The following SH3GL3 variants were observed in gnomAD, a reference collection of about 807,000 sequenced individuals.
The protein encoded by SH3GL3 is SH3 domain containing GRB2 like 3, endophilin A3, also known as endophilin-A3.
SH3GL3 carries 33 observed loss-of-function variants against 47.7 expected under a neutral mutation model. The ratio of observed to expected loss-of-function variants is 0.69; its 90% CI spans 0.52 to 0.92. SH3GL3 has a LOEUF of 0.92. Ranked by LOEUF, SH3GL3 falls within the 40% of genes least tolerant of loss-of-function variation. SH3GL3 has a pLI of 0.00. For missense variants in SH3GL3, 363 were observed against 417.8 expected (o/e 0.87, Z 1.14); for synonymous variants, 155 against 148.8 (o/e 1.04, Z -0.30).
intron 8 of SH3GL3, among the ~76,000 whole-genome samples, chr15:83,602,839 T>C (rs1239078743): frequency 2.6e-5 from 4 of 152,162 alleles, no homozygotes; most frequent in Non-Finnish European, 5.9e-5. Context: ...CTCCTAGATT[T>C]GCTCTCTGAG....
intron 1 of SH3GL3, among the ~76,000 whole-genome samples, chr15:83,458,980 T>G (rs1203745195): frequency 6.6e-6 from 1 of 152,226 alleles, no homozygotes; most frequent in Non-Finnish European, 1.5e-5. Context: ...GAAGCCAGAC[T>G]GAGTCCCCAA....
chr15:83,572,313 G>GT (rs1172298174), intron 4 of SH3GL3, among the ~76,000 whole-genome samples: 1 of 152,166 alleles, frequency 6.6e-6, no homozygotes, highest in Non-Finnish European at 1.5e-5. Flanking sequence ...GGTCCAAATG[G>GT]TAAGTACTTC....
intron 1 of SH3GL3, among the ~76,000 whole-genome samples, chr15:83,473,982 T>A (rs74024687): frequency 6.6e-6 from 1 of 151,582 alleles, no homozygotes; most frequent in Non-Finnish European, 1.5e-5. Flanking sequence ...GGTCCCAGGG[T>A]CCCAAGCTGG....
chr15:83,558,503 A>G (rs72760356), intron 1 of SH3GL3, among the ~76,000 whole-genome samples: 383 of 6,266 alleles, frequency 0.061, 3 homozygotes, highest in Non-Finnish European at 0.11. Flanking sequence ...GTGTGTGTGT[A>G]TATGTGTGTG....
intron 1 of SH3GL3, among the ~76,000 whole-genome samples, chr15:83,508,395 C>A (rs1447552992): frequency 6.6e-6 from 1 of 151,706 alleles, no homozygotes; most frequent in African/African-American, 2.4e-5. Context: ...TAGAAACACG[C>A]TGGAGGTGTT....
intron 1 of SH3GL3, among the ~76,000 whole-genome samples, chr15:83,502,686 G>A (rs1567278811): frequency 6.6e-6 from 1 of 152,148 alleles, no homozygotes; most frequent in Non-Finnish European, 1.5e-5. Flanking sequence ...AGCCTCCTGA[G>A]TAGCTAGGAG....
chr15:83,550,401 T>C (rs2044602718), intron 1 of SH3GL3, among the ~76,000 whole-genome samples: 1 of 151,972 alleles, frequency 6.6e-6, no homozygotes. Flanking sequence ...ATTTTATTTA[T>C]TTTTTTTGAG....
chr15:83,512,447 T>G (rs2042799592), intron 1 of SH3GL3, among the ~76,000 whole-genome samples: 1 of 152,194 alleles, frequency 6.6e-6, no homozygotes, highest in Non-Finnish European at 1.5e-5. Context: ...GCCTGTGGTA[T>G]TCCCAAAGAA....
At chr15:83,616,307 C>T (rs1254601306) in intron 8 of SH3GL3, among the ~76,000 whole-genome samples, 7 of 131,390 alleles carry the variant, frequency 5.3e-5, no homozygotes, top group African/African-American at 2.1e-4. Flanking sequence ...GGCTGGAGTG[C>T]GGTGGCGCGA....
At chr15:83,547,899 T>C (rs1334414611) in intron 1 of SH3GL3, among the ~76,000 whole-genome samples, 1 of 151,904 alleles carries the variant, frequency 6.6e-6, no homozygotes, top group African/African-American at 2.4e-5. Context: ...TTATTTGTTT[T>C]CTATTTATCT....
At chr15:83,596,250 A>G (rs1049691594) in intron 8 of SH3GL3, among the ~76,000 whole-genome samples, 1 of 152,190 alleles carries the variant, frequency 6.6e-6, no homozygotes, top group African/African-American at 2.4e-5. Context: ...TGTATGAATC[A>G]TACCCTTTTA....
At chr15:83,579,949 A>G (rs8043483) in intron 6 of SH3GL3, among the ~76,000 whole-genome samples, 57,920 of 152,072 alleles carry the variant, frequency 0.38, 11,579 homozygotes, top group Non-Finnish European at 0.43. Flanking sequence ...TGGACCTGAC[A>G]TGCCAATGCC....
intron 8 of SH3GL3, among the ~76,000 whole-genome samples, chr15:83,594,501 G>A (rs2060190677): frequency 6.6e-6 from 1 of 152,110 alleles, no homozygotes; most frequent in South Asian, 2.1e-4. Context: ...ATTAGCTAAA[G>A]TCCACACTTC....
intron 1 of SH3GL3, among the ~76,000 whole-genome samples, chr15:83,476,672 A>G (rs764006100): frequency 3.3e-5 from 5 of 152,268 alleles, no homozygotes; most frequent in African/African-American, 1.2e-4. Flanking sequence ...ATAAAGTTCT[A>G]TTGGAACACA....
At chr15:83,495,652 G>A (rs557389429) in intron 1 of SH3GL3, among the ~76,000 whole-genome samples, 3 of 152,226 alleles carry the variant, frequency 2.0e-5, no homozygotes, top group African/African-American at 7.2e-5. Context: ...CAGGAGAATT[G>A]CTTGAACCCA....
chr15:83,595,034 A>G (rs148798039), intron 8 of SH3GL3, among the ~76,000 whole-genome samples: 181 of 152,350 alleles, frequency 1.2e-3, no homozygotes, highest in African/African-American at 4.1e-3. Context: ...TCATTCTACC[A>G]TAAAGACACA....
intron 1 of SH3GL3, among the ~76,000 whole-genome samples, chr15:83,471,150 T>C (rs181521515): frequency 2.0e-5 from 3 of 152,334 alleles, no homozygotes; most frequent in East Asian, 3.9e-4. Flanking sequence ...TAGAGAACTT[T>C]CTTTAGCCCT....
At chr15:83,579,694 C>T (rs2059782967) in intron 6 of SH3GL3, among the ~76,000 whole-genome samples, 1 of 152,130 alleles carries the variant, frequency 6.6e-6, no homozygotes, top group African/African-American at 2.4e-5. Flanking sequence ...TGTTGATGGT[C>T]CCTGTCATGG....
At chr15:83,496,844 A>G (rs904851750) in intron 1 of SH3GL3, among the ~76,000 whole-genome samples, 2 of 152,078 alleles carry the variant, frequency 1.3e-5, no homozygotes, top group Non-Finnish European at 2.9e-5. Flanking sequence ...TCAACTTGCT[A>G]TTTCTCATCT....
Sources: gnomAD v4.1 joint callset for allele counts (sites outside exome capture counted in the v4.1 genomes callset) on GRCh38, gnomAD v4.1.1 for gene constraint, MANE v1.5 for transcripts, NCBI Gene and HGNC (gene_info 2026-07-23, HGNC 2026-07-21) for gene names.